Variants in CUX1 observed in about 807,000 individuals in gnomAD.
The protein encoded by CUX1 is protein CASP.
Under a neutral mutation model 158.8 loss-of-function variants are expected in CUX1, and 31 were observed. The ratio of observed to expected loss-of-function variants is 0.20; its 90% CI spans 0.15 to 0.26. The LOEUF (loss-of-function observed/expected upper bound fraction) is 0.26. CUX1 is among the 10% of genes least tolerant of loss of function. The pLI is 1.00. For missense variants in CUX1, 1,589 were observed against 2,014.6 expected (o/e 0.79, Z 4.04); for synonymous variants, 879 against 862.1 (o/e 1.02, Z -0.34).
At chr7:102,088,187 G>C (rs573158827) in intron 4 of CUX1, among the ~76,000 whole-genome samples, 7 of 151,912 alleles carry the variant, frequency 4.6e-5, no homozygotes, top group African/African-American at 1.7e-4. Flanking sequence ...TAGTAGAGAC[G>C]GGGTTTCTCC....
intron 10 of CUX1, among the ~76,000 whole-genome samples, chr7:102,177,602 T>C (rs1554512391): frequency 6.6e-6 from 1 of 151,998 alleles, no homozygotes; most frequent in Non-Finnish European, 1.5e-5. Flanking sequence ...CCCACTCTGC[T>C]GTTCCCCTGC....
chr7:102,259,307 G>A (rs1554543021), downstream of CUX1, among the ~76,000 whole-genome samples: 1 of 152,204 alleles, frequency 6.6e-6, no homozygotes, highest in African/African-American at 2.4e-5. Flanking sequence ...CTAAGAGCTG[G>A]CCCAGCGCAG....
chr7:101,964,195 A>G (rs976569614), intron 2 of CUX1, among the ~76,000 whole-genome samples: 2 of 152,030 alleles, frequency 1.3e-5, no homozygotes, highest in African/African-American at 4.8e-5. Context: ...CTACTAAAAA[A>G]TACAAAAATT....
chr7:101,872,855 T>A (rs191058476), intron 1 of CUX1, among the ~76,000 whole-genome samples: 64 of 152,294 alleles, frequency 4.2e-4, no homozygotes, highest in African/African-American at 1.5e-3. Flanking sequence ...GTATCCTTTT[T>A]AAAATCTCTG....
chr7:101,817,580 C>T (rs1792003326), upstream of CUX1: 13 of 1,517,954 alleles, frequency 8.6e-6, no homozygotes, highest in African/African-American at 1.4e-5. This position sits in a 1 kb window ranked among gnomAD's most constrained non-coding sequence, Gnocchi z 4.1. Flanking sequence ...TAGGGTCCGC[C>T]CCGCACGTGC....
At position 102,027,699 on chromosome 7, in the gene CUX1, A is replaced by G. The variant is rs549923233; in HGVS notation, c.142-399A>G. 7.2e-5 allele frequency among the ~76,000 whole-genome samples: 11 copies of G among 152,192 alleles called. 1 individual carries two copies. In the South Asian group the frequency reaches 2.1e-3, roughly 29 times the overall value. ...GACATGATGAAACCCTGTCTCTACA[A>G]AAAAATACAAAAATTAACCAGGCAT... On this transcript the variant is annotated intron_variant, in intron 2 of 23. Coordinates refer to ENST00000292535, the MANE Select transcript of CUX1 (RefSeq NM_181552.4).
At chr7:102,131,052 G>A (rs975554044) in intron 8 of CUX1, among the ~76,000 whole-genome samples, 2 of 150,718 alleles carry the variant, frequency 1.3e-5, no homozygotes, top group Non-Finnish European at 2.9e-5. Context: ...AGAAAGCTGA[G>A]TCAGCGAGAT....
intron 1 of CUX1, among the ~76,000 whole-genome samples, chr7:101,908,813 T>A (rs2131833281): frequency 6.6e-6 from 1 of 152,304 alleles, no homozygotes; most frequent in East Asian, 1.9e-4. Context: ...CAAAATGAAC[T>A]GTGATGTAGC....
chr7:102,217,887 G>C (rs1797412346), intron 20 of CUX1, among the ~76,000 whole-genome samples: 1 of 151,714 alleles, frequency 6.6e-6, no homozygotes, highest in South Asian at 2.1e-4. Flanking sequence ...ATGGTGTCTA[G>C]AGGGAGGGAG....
At chr7:101,848,350 T>C (rs1287990784) in intron 1 of CUX1, among the ~76,000 whole-genome samples, 1 of 152,184 alleles carries the variant, frequency 6.6e-6, no homozygotes, top group Admixed American at 6.5e-5. Flanking sequence ...GTGAGCAGCT[T>C]CCACATCAAA....
chr7:101,991,075 G>A (rs922236606), intron 2 of CUX1, among the ~76,000 whole-genome samples: 5 of 152,198 alleles, frequency 3.3e-5, no homozygotes, highest in Non-Finnish European at 5.9e-5. Context: ...GCTAGGTGCT[G>A]CTACTGAGGC....
intron 2 of CUX1, among the ~76,000 whole-genome samples, chr7:101,978,050 G>A (rs991693915): frequency 2.7e-5 from 4 of 150,874 alleles, no homozygotes; most frequent in Admixed American, 1.3e-4. Context: ...GTCCCCACTC[G>A]CGCCCTGCAC....
intron 3 of CUX1, 88 bp from the exon 4 acceptor site, chr7:102,070,251 A>G: frequency 8.9e-7 from 1 of 1,127,336 alleles, no homozygotes; most frequent in South Asian, 1.3e-5. Context: ...TGCTACGGGA[A>G]TTCACTAGAT....
chr7:102,045,732 C>T (rs1487069346), intron 3 of CUX1, among the ~76,000 whole-genome samples: 2 of 152,272 alleles, frequency 1.3e-5, no homozygotes, highest in Non-Finnish European at 2.9e-5. Context: ...AATGAACAAT[C>T]CAGAGCAAAT....
intron 3 of CUX1, among the ~76,000 whole-genome samples, chr7:102,035,305 A>G (rs1821300470): frequency 6.6e-6 from 1 of 152,156 alleles, no homozygotes; most frequent in African/African-American, 2.4e-5. Flanking sequence ...AGTATTCAAT[A>G]AATTACATGA....
chr7:102,185,957 T>C (rs1554515150), intron 11 of CUX1, among the ~76,000 whole-genome samples: 1 of 152,156 alleles, frequency 6.6e-6, no homozygotes, highest in Non-Finnish European at 1.5e-5. Context: ...GCGTATGAAA[T>C]GCTAGGAATA....
At chr7:101,843,761 G>T (rs1269740894) in intron 1 of CUX1, among the ~76,000 whole-genome samples, 3 of 152,128 alleles carry the variant, frequency 2.0e-5, no homozygotes, top group Non-Finnish European at 4.4e-5. Flanking sequence ...CTAGGATAAT[G>T]GTGCCATATA....
At chr7:102,228,944 G>A (rs1471593729) in intron 21 of CUX1, among the ~76,000 whole-genome samples, 2 of 152,218 alleles carry the variant, frequency 1.3e-5, no homozygotes, top group African/African-American at 4.8e-5. Flanking sequence ...CCGTGATGCT[G>A]GCCAGGCTGC....
chr7:102,155,809 A>G (rs1554505086), intron 8 of CUX1, among the ~76,000 whole-genome samples: 1 of 152,152 alleles, frequency 6.6e-6, no homozygotes, highest in Non-Finnish European at 1.5e-5. Context: ...TTTCACTTTG[A>G]GATGATACAG....
Sources: allele counts gnomAD v4.1 joint callset (sites outside exome capture counted in the v4.1 genomes callset), GRCh38; gene constraint gnomAD v4.1.1; non-coding constraint Gnocchi (gnomAD v3.1); transcripts MANE v1.5; gene names NCBI Gene and HGNC (gene_info 2026-07-23, HGNC 2026-07-21).